Variants in TRIO observed in about 807,000 individuals in gnomAD.
The protein encoded by TRIO is trio Rho guanine nucleotide exchange factor, also known as triple functional domain protein.
TRIO carries 58 observed loss-of-function variants against 351.9 expected under a neutral mutation model. The observed-to-expected ratio is 0.16, with a 90% CI of 0.13 to 0.21. TRIO has a LOEUF of 0.21. Among genes scored for constraint, TRIO ranks in the 10% least tolerant of loss-of-function variants. TRIO has a pLI of 1.00. For missense variants in TRIO, 3,201 were observed against 4,027.8 expected (o/e 0.79, Z 5.56); for synonymous variants, 1,758 against 1,595.7 (o/e 1.10, Z -2.42).
intron 10 of TRIO, among the ~76,000 whole-genome samples, chr5:14,335,735 C>T (rs1294658804): frequency 2.6e-5 from 4 of 152,146 alleles, no homozygotes; most frequent in African/African-American, 4.8e-5. Context: ...GAGGCCAAGA[C>T]GAGAGGATTA....
intron 49 of TRIO, among the ~76,000 whole-genome samples, chr5:14,496,536 C>A (rs1756907052): frequency 6.6e-6 from 1 of 152,138 alleles, no homozygotes; most frequent in Non-Finnish European, 1.5e-5. Flanking sequence ...TTTACTGGAC[C>A]CATCAAAATG....
chr5:14,306,269 T>G (rs1268998522), intron 8 of TRIO, among the ~76,000 whole-genome samples: 2 of 152,010 alleles, frequency 1.3e-5, no homozygotes, highest in Non-Finnish European at 2.9e-5. Flanking sequence ...CAACTCTGTA[T>G]TGTTTCTTAA....
intron 45 of TRIO, chr5:14,482,286 A>T (rs1184509881): frequency 1.2e-4 from 23 of 199,276 alleles, no homozygotes; most frequent in Non-Finnish European, 2.2e-4. Context: ...CGACCCAGGG[A>T]CCACACTTTG....
chr5:14,157,816 G>A (rs559204661), intron 1 of TRIO, among the ~76,000 whole-genome samples: 133 of 152,160 alleles, frequency 8.7e-4, no homozygotes, highest in African/African-American at 3.0e-3. Context: ...TTGAACTCCT[G>A]GGCTCAAGCG....
intron 2 of TRIO, among the ~76,000 whole-genome samples, chr5:14,277,626 T>C (rs1218047919): frequency 6.6e-6 from 1 of 152,202 alleles, no homozygotes; most frequent in African/African-American, 2.4e-5. Context: ...GTGCTGTTAT[T>C]TTTACTAGTT....
At chr5:14,331,171 A>G (rs1381493573) in intron 10 of TRIO, among the ~76,000 whole-genome samples, 1 of 152,234 alleles carries the variant, frequency 6.6e-6, no homozygotes, top group African/African-American at 2.4e-5. Context: ...CCTTTTGACT[A>G]CTTTGTGAAA....
chr5:14,164,675 G>C (rs1267743657), intron 1 of TRIO, among the ~76,000 whole-genome samples: 1 of 152,130 alleles, frequency 6.6e-6, no homozygotes, highest in Non-Finnish European at 1.5e-5. Context: ...CTCATTAGTA[G>C]GGAAATGTAA....
At chr5:14,180,887 T>G (rs567866858) in intron 1 of TRIO, among the ~76,000 whole-genome samples, 1 of 152,274 alleles carries the variant, frequency 6.6e-6, no homozygotes, top group East Asian at 1.9e-4. Flanking sequence ...GCAGTTTTAA[T>G]TTTCTTTTGA....
intron 1 of TRIO, among the ~76,000 whole-genome samples, chr5:14,157,999 C>G (rs922460936): frequency 1.3e-5 from 2 of 152,140 alleles, no homozygotes; most frequent in African/African-American, 4.8e-5. Flanking sequence ...CATCCTCATG[C>G]TTGTTAGATT....
At chr5:14,193,922 C>T (rs1170882203) in intron 1 of TRIO, among the ~76,000 whole-genome samples, 1 of 152,128 alleles carries the variant, frequency 6.6e-6, no homozygotes, top group Non-Finnish European at 1.5e-5. Context: ...AGACTCTGCC[C>T]TGAAGTCCTT....
intron 1 of TRIO, among the ~76,000 whole-genome samples, chr5:14,157,507 C>G (rs919852624): frequency 6.7e-6 from 1 of 149,708 alleles, no homozygotes; most frequent in East Asian, 2.0e-4. Flanking sequence ...CTCTCTCTCC[C>G]TGTCTCCCTC....
chr5:14,339,878 T>C (rs1209796037), intron 11 of TRIO, among the ~76,000 whole-genome samples: 1 of 152,158 alleles, frequency 6.6e-6, no homozygotes, highest in Non-Finnish European at 1.5e-5. Flanking sequence ...GGTTATTGAA[T>C]GAAAACTAAG....
In TRIO at chr5:14,502,571, T is replaced by C; in HGVS notation, c.8333-8T>C. The C allele has an allele frequency of 6.2e-7, 1 of 1,614,150 alleles. No homozygotes were observed. Among genetic ancestry groups the C allele is most frequent in the Non-Finnish European group, 8.5e-7 (1 of 1,179,998 alleles). On this transcript the variant is annotated splice_polypyrimidine_tract_variant and splice_region_variant and intron_variant, in intron 53 of 56. Transcript: ENST00000344204. ...AACAAGCTCAGGCAGGTGCTGTTCT[T>C]CTTGCAGGTCCAGGGATGGATGGGA...
intron 55 of TRIO, among the ~76,000 whole-genome samples, chr5:14,506,666 C>T (rs1441758634): frequency 1.3e-5 from 2 of 151,966 alleles, no homozygotes; most frequent in Non-Finnish European, 2.9e-5. Flanking sequence ...GAGTCCAACA[C>T]TGAGCACTCA....
intron 34 of TRIO, among the ~76,000 whole-genome samples, chr5:14,455,153 C>G (rs1211915384): frequency 6.6e-6 from 1 of 152,186 alleles, no homozygotes; most frequent in African/African-American, 2.4e-5. Context: ...AAAGCTTCCA[C>G]AGTGTGGAAG....
At chr5:14,193,066 GTAAT>G (rs1300896747) in intron 1 of TRIO, among the ~76,000 whole-genome samples, 1 of 152,192 alleles carries the variant, frequency 6.6e-6, no homozygotes, top group East Asian at 1.9e-4. Context: ...GATAATTACT[GTAAT>G]TATGAGAGTT....
intron 1 of TRIO, among the ~76,000 whole-genome samples, chr5:14,190,127 C>G (rs1324385279): frequency 6.6e-6 from 1 of 152,102 alleles, no homozygotes; most frequent in Admixed American, 6.5e-5. Context: ...TGGAAAGTTA[C>G]AGGTTCCATC....
At position 14,207,760 on chromosome 5, in the gene TRIO, A is replaced by C. The variant is rs560062252; in HGVS notation, c.158-63065A>C. 8.5e-4 allele frequency among the ~76,000 whole-genome samples: 129 copies of C among 152,284 alleles called. 5 individuals carry two copies. The South Asian group carries it at 0.025, about 30-fold the overall frequency. ...AAATACAAGCCACAGACCAAGACAA[A>C]ATATTTGTAAATCATATATCCAATA... On this transcript the variant is annotated intron_variant, in intron 1 of 56. Coordinates refer to ENST00000344204, the MANE Select transcript of TRIO (RefSeq NM_007118.4).
chr5:14,294,663 C>A (rs534548821), intron 6 of TRIO, among the ~76,000 whole-genome samples: 2 of 152,146 alleles, frequency 1.3e-5, no homozygotes, highest in Non-Finnish European at 2.9e-5. Flanking sequence ...GACGTAGAGG[C>A]TTTTAATTCT....
Sources: gnomAD v4.1 joint callset for allele counts (sites outside exome capture counted in the v4.1 genomes callset) on GRCh38, gnomAD v4.1.1 for gene constraint, MANE v1.5 for transcripts, NCBI Gene and HGNC (gene_info 2026-07-23, HGNC 2026-07-21) for gene names.